The following PTPRD variants were observed in gnomAD, a reference collection of about 807,000 sequenced individuals.
PTPRD encodes protein tyrosine phosphatase receptor type D, also known as receptor-type tyrosine-protein phosphatase delta.
In PTPRD, 34 loss-of-function variants were observed where a neutral mutation model predicts 214.5. That is an observed-to-expected ratio of 0.16 (90% CI 0.12 to 0.21). The LOEUF (loss-of-function observed/expected upper bound fraction) is 0.21. Ranked by LOEUF, PTPRD falls within the 10% of genes least tolerant of loss-of-function variation. PTPRD has a pLI of 1.00. For missense variants in PTPRD, 2,545 were observed against 2,398.7 expected, an observed-to-expected ratio of 1.06 and a Z score of -1.27; for synonymous variants, 1,128 against 845.7, an observed-to-expected ratio of 1.33 and a Z score of -5.79.
intron 10 of PTPRD, among the ~76,000 whole-genome samples, chr9:9,052,821 A>C (rs534075453): frequency 1.2e-4 from 19 of 152,274 alleles, no homozygotes; most frequent in Admixed American, 4.6e-4. Context: ...TGTTTTTTTC[A>C]TGGCAATACA....
At chr9:9,638,774 T>G (rs1055152326) in intron 7 of PTPRD, among the ~76,000 whole-genome samples, 1 of 152,200 alleles carries the variant, frequency 6.6e-6, no homozygotes, top group Non-Finnish European at 1.5e-5. Context: ...AACTAACTTA[T>G]AACCAATAGA....
chr9:10,428,254 T>G (rs583717), intron 2 of PTPRD, among the ~76,000 whole-genome samples: 10,633 of 151,984 alleles, frequency 0.07, 1,262 homozygotes, highest in African/African-American at 0.24. Flanking sequence ...GGGAGACAGA[T>G]GTTGCAGCGA....
At chr9:8,573,269 A>G (rs186789058) in intron 14 of PTPRD, among the ~76,000 whole-genome samples, 5 of 152,184 alleles carry the variant, frequency 3.3e-5, no homozygotes, top group Admixed American at 3.3e-4. Flanking sequence ...TTACATAACT[A>G]AAGAAAGGTA....
chr9:9,436,132 G>A (rs1486551682), intron 8 of PTPRD, among the ~76,000 whole-genome samples: 1 of 152,162 alleles, frequency 6.6e-6, no homozygotes, highest in African/African-American at 2.4e-5. Flanking sequence ...GGGTCAATGG[G>A]GGATGGTAGC....
chr9:8,488,482 A>G (rs1224179416), intron 27 of PTPRD, among the ~76,000 whole-genome samples: 2 of 152,138 alleles, frequency 1.3e-5, no homozygotes, highest in Non-Finnish European at 2.9e-5. Flanking sequence ...GTTGTGTTGT[A>G]TATATAAAAC....
intron 2 of PTPRD, among the ~76,000 whole-genome samples, chr9:10,503,193 C>CAGA (rs1555437001): frequency 1.4e-5 from 1 of 69,070 alleles, no homozygotes; most frequent in African/African-American, 4.7e-5. Context: ...AGCTGCAATA[C>CAGA]AAAAAAAAAA....
At chr9:8,947,670 T>C (rs2099074398) in intron 11 of PTPRD, among the ~76,000 whole-genome samples, 1 of 152,022 alleles carries the variant, frequency 6.6e-6, no homozygotes. Flanking sequence ...TTGTTTTGTT[T>C]TGTTTCTGTT....
At chr9:9,869,277 C>T (rs192364803) in intron 5 of PTPRD, among the ~76,000 whole-genome samples, 4 of 152,124 alleles carry the variant, frequency 2.6e-5, no homozygotes, top group Non-Finnish European at 5.9e-5. Flanking sequence ...GTCTTGCTAA[C>T]AAATGCAGAA....
At chr9:8,582,706 AT>A (rs2093286345) in intron 14 of PTPRD, among the ~76,000 whole-genome samples, 1 of 152,204 alleles carries the variant, frequency 6.6e-6, no homozygotes, top group African/African-American at 2.4e-5. Flanking sequence ...AACCCTTCAG[AT>A]TGTCCAAATG....
chr9:8,555,939 C>T (rs2083606373), intron 14 of PTPRD, among the ~76,000 whole-genome samples: 1 of 152,126 alleles, frequency 6.6e-6, no homozygotes, highest in African/African-American at 2.4e-5. Flanking sequence ...TGGGTCAGAG[C>T]AGATGCAGAT....
intron 3 of PTPRD, among the ~76,000 whole-genome samples, chr9:10,219,556 G>C (rs547116386): frequency 1.3e-5 from 2 of 151,946 alleles, no homozygotes; most frequent in South Asian, 4.1e-4. Flanking sequence ...AGGGTAAAAA[G>C]TTGGGGGGAA....
intron 10 of PTPRD, among the ~76,000 whole-genome samples, chr9:9,161,899 G>A (rs1025817111): frequency 2.2e-4 from 33 of 151,758 alleles, no homozygotes; most frequent in African/African-American, 6.5e-4. Context: ...AAATTTTCCT[G>A]TACCTTTATG....
chr9:10,196,744 G>T (rs761569660), intron 3 of PTPRD, among the ~76,000 whole-genome samples: 3 of 152,084 alleles, frequency 2.0e-5, no homozygotes, highest in Non-Finnish European at 4.4e-5. Context: ...TAGTGCAGTG[G>T]ACTGAATGTT....
intron 11 of PTPRD, among the ~76,000 whole-genome samples, chr9:8,844,579 G>A (rs1049377716): frequency 3.3e-5 from 5 of 152,090 alleles, no homozygotes; most frequent in African/African-American, 1.2e-4. Context: ...CTAACCATCT[G>A]TACAATAATC....
intron 4 of PTPRD, among the ~76,000 whole-genome samples, chr9:9,999,816 GAAGGT>G (rs1567009777): frequency 6.6e-6 from 1 of 152,144 alleles, no homozygotes; most frequent in African/African-American, 2.4e-5. Flanking sequence ...ACTTTTTACC[GAAGGT>G]TGCTAATGTG....
At chr9:10,527,504 A>T (rs2054669495) in intron 2 of PTPRD, among the ~76,000 whole-genome samples, 1 of 152,224 alleles carries the variant, frequency 6.6e-6, no homozygotes, top group Non-Finnish European at 1.5e-5. Context: ...TTCCAAAGAA[A>T]AGCCATAAAT....
At chr9:10,485,312 T>C (rs963767745) in intron 2 of PTPRD, among the ~76,000 whole-genome samples, 12 of 152,110 alleles carry the variant, frequency 7.9e-5, no homozygotes, top group African/African-American at 2.9e-4. Context: ...TCCAATTTTA[T>C]TAACTTTGCC....
chr9:8,584,500 T>C (rs900072060), intron 14 of PTPRD, among the ~76,000 whole-genome samples: 1 of 152,170 alleles, frequency 6.6e-6, no homozygotes, highest in Admixed American at 6.5e-5. Context: ...TTACTTATTA[T>C]GCCATTCCCT....
chr9:8,546,101 T>C (rs2080062839), intron 14 of PTPRD, among the ~76,000 whole-genome samples: 1 of 152,202 alleles, frequency 6.6e-6, no homozygotes, highest in Admixed American at 6.5e-5. Flanking sequence ...CTTTCATCTG[T>C]ACTTATCAGG....
Sources: gnomAD v4.1 joint callset for allele counts (sites outside exome capture counted in the v4.1 genomes callset) on GRCh38, gnomAD v4.1.1 for gene constraint, MANE v1.5 for transcripts, NCBI Gene and HGNC (gene_info 2026-07-23, HGNC 2026-07-21) for gene names.